GAS2L3: variants seen among roughly 807,000 people sequenced by gnomAD.
GAS2L3 encodes growth arrest specific 2 like 3.
GAS2L3 carries 28 observed loss-of-function variants against 37.0 expected under a neutral mutation model. The ratio of observed to expected loss-of-function variants is 0.76; its 90% confidence interval spans 0.56 to 1.04. The LOEUF is 1.04. Ranked by LOEUF, GAS2L3 falls within the 50% of genes least tolerant of loss-of-function variation. The pLI, the probability that GAS2L3 is intolerant of heterozygous loss-of-function variation, is 0.00. For synonymous variants in GAS2L3, 290 were observed against 296.6 expected, an observed-to-expected ratio of 0.98 and a Z score of 0.23; for missense variants, 793 against 817.6, an observed-to-expected ratio of 0.97 and a Z score of 0.37.
intron 1 of GAS2L3, among the ~76,000 whole-genome samples, chr12:100,581,132 A>G (rs1370662952): frequency 2.6e-5 from 4 of 152,208 alleles, no homozygotes; most frequent in Non-Finnish European, 4.4e-5. Flanking sequence ...TCTGAGCAGA[A>G]TGTACGAGGT....
intron 1 of GAS2L3, chr12:100,579,349 A>G: frequency 1.4e-6 from 1 of 702,962 alleles, no homozygotes; most frequent in Non-Finnish European, 2.5e-6. Flanking sequence ...TTACTGAAAT[A>G]GTGTCTGTCA....
chr12:100,618,615 C>G (rs749474889), intron 8 of GAS2L3, 28 bp downstream of exon 8: 1 of 1,587,046 alleles, frequency 6.3e-7, no homozygotes, highest in Admixed American at 1.8e-5. Flanking sequence ...TTTCTTTTGA[C>G]CATGATACCT....
At chr12:100,620,668 G>C (rs1409791324) in intron 8 of GAS2L3, among the ~76,000 whole-genome samples, 1 of 151,970 alleles carries the variant, frequency 6.6e-6, no homozygotes, top group Non-Finnish European at 1.5e-5. Flanking sequence ...GTGATCTACA[G>C]ATATCTTGGA....
chr12:100,624,713 T>C lies in GAS2L3; in HGVS notation c.1908T>C (p.Ala636=), dbSNP rs750525720. The change falls in exon 10 of 10, where the codon GCT becomes GCC. Residue 636 remains alanine (A), a synonymous_variant. Coordinates refer to ENST00000547754, the MANE Select transcript of GAS2L3 (RefSeq NM_174942.3). ...QTAPKSAQTV[A]KSQHSTKGPP... ...CACCGAAGTCAGCACAGACTGTCGC[T>C]AAGAGCCAGCATTCAACTAAAGGGC... 6.2e-7 allele frequency: 1 copy of C among 1,614,012 alleles called. No individual in the cohort carries two copies. The highest frequency in any genetic ancestry group is 2.2e-5 in the East Asian group (1 of 44,870).
chr12:100,586,546 A>G (rs760741119), intron 1 of GAS2L3, among the ~76,000 whole-genome samples: 100 of 152,352 alleles, frequency 6.6e-4, no homozygotes, highest in Non-Finnish European at 7.4e-5. Flanking sequence ...CAGTAGTGAC[A>G]CAACCTATCA....
At chr12:100,576,175 C>T (rs35716) in intron 1 of GAS2L3, among the ~76,000 whole-genome samples, 79,792 of 151,930 alleles carry the variant, frequency 0.53, 21,571 homozygotes, top group East Asian at 0.72. Context: ...GGAGAATTGG[C>T]TGTTTCAAAA....
intron 5 of GAS2L3, among the ~76,000 whole-genome samples, chr12:100,610,277 C>T (rs188631775): frequency 1.3e-5 from 2 of 152,272 alleles, no homozygotes; most frequent in Admixed American, 1.3e-4. Context: ...GGTAACCAGA[C>T]ACGTTGGAAT....
At chr12:100,616,767 A>C (rs73381953) in intron 6 of GAS2L3, among the ~76,000 whole-genome samples, 2,799 of 152,224 alleles carry the variant, frequency 0.018, 93 homozygotes, top group African/African-American at 0.064. Context: ...CTGTTAATAG[A>C]GGTAGTTTTC....
intron 8 of GAS2L3, 130 bp from the exon 9 acceptor site, chr12:100,622,145 A>G: frequency 1.9e-6 from 1 of 519,544 alleles, no homozygotes; most frequent in South Asian, 3.1e-5. Context: ...AGCACAGGAG[A>G]AGCGATTAAA....
chr12:100,586,467 G>A (rs1955782457), intron 1 of GAS2L3, among the ~76,000 whole-genome samples: 1 of 152,166 alleles, frequency 6.6e-6, no homozygotes, highest in Admixed American at 6.5e-5. Flanking sequence ...TCAATAGCCT[G>A]CTCCTGAATG....
At chr12:100,581,205 G>A (rs1955707772) in intron 1 of GAS2L3, among the ~76,000 whole-genome samples, 1 of 152,164 alleles carries the variant, frequency 6.6e-6, no homozygotes, top group Non-Finnish European at 1.5e-5. Flanking sequence ...CTTTGCTGTG[G>A]CCTTGCTGAT....
rs751079338 is a variant in GAS2L3 at position 100,624,028 on chromosome 12, C to G, written c.1223C>G (p.Ser408Ter). 1.2e-6 allele frequency: 2 copies of G among 1,614,138 alleles called. No homozygotes were observed. Among genetic ancestry groups the G allele is most frequent in the African/African-American group, 2.7e-5 (2 of 75,046 alleles). Residue 408 changes from serine (S) to a stop codon, truncating the protein, a stop_gained, in exon 10 of 10, where the codon TCA becomes TGA. Coordinates refer to ENST00000547754, the MANE Select transcript of GAS2L3 (RefSeq NM_174942.3). LOFTEE classifies it low-confidence loss of function (END_TRUNC). The stretch of plus-strand genomic sequence containing the variant: ...AACAATGCATCATCTTCACTTGCTT[C>G]ATTAAATCCAGTAGGTAAAAACACT... The part of the protein sequence containing the change: ...PSNNASSSLA[S>*]LNPVGKNTSS...
Position 100,624,976 on chromosome 12 carries a change from T to A in GAS2L3, c.*86T>A. 1.9e-6 allele frequency: 2 copies of A among 1,037,626 alleles called. No individual in the cohort carries two copies. Among genetic ancestry groups the A allele is most frequent in the Non-Finnish European group, 1.4e-6 (1 of 707,162 alleles). 64.3% of individuals were successfully genotyped at this position (1,037,626 alleles called of 1,614,324 possible). On this transcript the variant is annotated 3_prime_UTR_variant, in exon 10 of 10. Transcript: ENST00000547754. ...AAAGTTTCTCCTATTTGTGTCTGTCTAAATAGGTGCAGACACTAAGGATAG... is the reference window on the plus strand; with the variant it reads ...AAAGTTTCTCCTATTTGTGTCTGTCAAAATAGGTGCAGACACTAAGGATAG...
chr12:100,575,220 T>C (rs956895030), intron 1 of GAS2L3, among the ~76,000 whole-genome samples: 1 of 152,062 alleles, frequency 6.6e-6, no homozygotes, highest in African/African-American at 2.4e-5. Context: ...TCTCTGCTGT[T>C]TAACTTAGAC....
Position 100,600,255 on chromosome 12 carries a change from C to T in GAS2L3, c.19-127C>T, listed in dbSNP as rs77147605. 8.8e-3 allele frequency: 5,541 copies of T among 627,502 alleles called. 133 individuals are homozygous for T. The highest frequency in any genetic ancestry group is 0.064 in the African/African-American group (3,469 of 54,046). The allele number at this position is 627,502 out of a possible 1,614,324, so 38.9% of individuals were successfully genotyped here. On this transcript the variant is annotated intron_variant, in intron 3 of 9. Coordinates refer to ENST00000547754, the MANE Select transcript of GAS2L3 (RefSeq NM_174942.3). ...TCTAATTTATATATTTGCTGTGAGC[C>T]ACAGCAGCTTTTTATATGTGTCTAT... is the stretch of plus-strand genomic sequence containing the variant.
intron 8 of GAS2L3, 43 bp from the exon 9 acceptor site, chr12:100,622,232 C>T (rs1565814082): frequency 2.7e-6 from 3 of 1,091,778 alleles, no homozygotes; most frequent in Non-Finnish European, 1.4e-6. Context: ...AAACAAAATG[C>T]TTTTTGTGAC....
chr12:100,600,998 T>G (rs1955981785), intron 4 of GAS2L3, among the ~76,000 whole-genome samples: 1 of 152,072 alleles, frequency 6.6e-6, no homozygotes, highest in African/African-American at 2.4e-5. Flanking sequence ...TAGGAAGAAA[T>G]GTCAGGTTGG....
intron 1 of GAS2L3, chr12:100,578,959 T>C: frequency 1.1e-6 from 1 of 908,666 alleles, no homozygotes; most frequent in Admixed American, 1.8e-5. Context: ...TTGTCATCCA[T>C]GCTTATGGAA....
At chr12:100,617,170 T>A (rs1956198117) in intron 6 of GAS2L3, among the ~76,000 whole-genome samples, 1 of 152,228 alleles carries the variant, frequency 6.6e-6, no homozygotes, top group Admixed American at 6.5e-5. Context: ...GCCACTTGCA[T>A]GGTATATAAT....
Sources: allele counts gnomAD v4.1 joint callset (sites outside exome capture counted in the v4.1 genomes callset), GRCh38; gene constraint gnomAD v4.1.1; transcripts MANE v1.5; gene names NCBI Gene and HGNC (gene_info 2026-07-23, HGNC 2026-07-21).